SLK: variants seen among roughly 807,000 people sequenced by gnomAD.
The protein encoded by SLK is STE20 like kinase, also known as STE20-like serine/threonine-protein kinase.
Under a neutral mutation model 147.7 loss-of-function variants are expected in SLK, and 67 were observed. That is an observed-to-expected ratio of 0.45 (90% confidence interval 0.37 to 0.56). SLK has a LOEUF of 0.56. Ranked by LOEUF, SLK falls within the 20% of genes least tolerant of loss-of-function variation. The pLI, the probability that SLK is intolerant of heterozygous loss-of-function variation, is 0.00. For missense variants in SLK, 1,136 were observed against 1,438.8 expected, an observed-to-expected ratio of 0.79 and a Z score of 3.41; for synonymous variants, 441 against 475.0, an observed-to-expected ratio of 0.93 and a Z score of 0.93.
At position 103,995,483 on chromosome 10, in the gene SLK, A is replaced by G. The variant is rs1259880516; in HGVS notation, c.514+2350A>G. On this transcript the variant is annotated intron_variant, in intron 4 of 18. Transcript: ENST00000369755. The stretch of plus-strand genomic sequence containing the variant: ...TGCTCTGTTGCCCAGGTTGGAGTGC[A>G]GTGGCTGATCTCAGCTCACTGCAAC... Among the ~76,000 whole-genome samples the G allele has an allele frequency of 1.6e-4, 21 of 132,208 alleles. No individual in the cohort carries two copies. In the Admixed American group the frequency reaches 1.9e-3, roughly 12 times the overall value. 86.7% of individuals were successfully genotyped at this position (132,208 alleles called of 152,430 possible).
chr10:103,968,027 C>A, intron 1 of SLK, 132 bp downstream of exon 1: 1 of 909,744 alleles, frequency 1.1e-6, no homozygotes, highest in Non-Finnish European at 1.6e-6. Flanking sequence ...TGCAACTTTA[C>A]TTGGCTGATC....
At position 104,026,219 on chromosome 10, in the gene SLK, AT is replaced by A. The variant is rs1398462045; in HGVS notation, c.*506del. On this transcript the variant is annotated 3_prime_UTR_variant, in exon 19 of 19. Transcript: ENST00000369755. ...TGCTGTTGACTCAGTAAATGAATAT[AT>A]TTTTTTCTTTAAATAGGAACAACCT... The A allele has an allele frequency of 6.6e-6, 1 of 152,640 alleles. No individual in the cohort carries two copies. Among genetic ancestry groups the A allele is most frequent in the Non-Finnish European group, 1.5e-5 (1 of 68,064 alleles). 9.5% of individuals were successfully genotyped at this position (152,640 alleles called of 1,614,324 possible). A position where few individuals can be genotyped will look rare whatever the true frequency, so the allele number is the denominator to read the frequency against.
intron 9 of SLK, among the ~76,000 whole-genome samples, chr10:104,004,386 C>G (rs574663008): frequency 1.3e-5 from 2 of 152,264 alleles, no homozygotes; most frequent in Non-Finnish European, 1.5e-5. Context: ...TTAATAGCCT[C>G]TTTTAAAAAT....
Position 104,027,825 on chromosome 10 carries a change from A to C in SLK, c.*2105A>C, listed in dbSNP as rs1844618004. 1 of 151,972 alleles carries C rather than the reference A, an allele frequency of 6.6e-6. No individual in the cohort carries two copies. The highest frequency in any genetic ancestry group is 6.5e-5 in the Admixed American group (1 of 15,272). The allele number at this position is 151,972 out of a possible 1,614,324, so 9.4% of individuals were successfully genotyped here. A position where few individuals can be genotyped will look rare whatever the true frequency, so the allele number is the denominator to read the frequency against. ...TTTCAACTTGACATTCAGATTATTG[A>C]CTCAAGGAGAGAGGCTCAGAGTGGA... On this transcript the variant is annotated 3_prime_UTR_variant, in exon 19 of 19. Transcript: ENST00000369755.
intron 13 of SLK, among the ~76,000 whole-genome samples, chr10:104,017,661 G>A (rs998012236): frequency 1.3e-5 from 2 of 152,116 alleles, no homozygotes; most frequent in African/African-American, 4.8e-5. Context: ...TGTATATTTA[G>A]TAGAGATGGG....
At chr10:104,004,274 T>A (rs1844295528) in intron 9 of SLK, among the ~76,000 whole-genome samples, 1 of 152,176 alleles carries the variant, frequency 6.6e-6, no homozygotes, top group Non-Finnish European at 1.5e-5. Flanking sequence ...TGCCCCAAAT[T>A]CCTAGGATTT....
chr10:104,004,077 A>T (rs953052724), intron 9 of SLK, among the ~76,000 whole-genome samples: 6 of 144,642 alleles, frequency 4.1e-5, no homozygotes, highest in African/African-American at 1.6e-4. Context: ...GGTCCCAAGG[A>T]TCACTATTTG....
Position 103,967,775 on chromosome 10 carries a change from C to G in SLK, c.30C>G (p.Phe10Leu). MSFFNFRKI[F>L]KLGSEKKKKQ... is the part of the protein sequence containing the mutation. Reference sequence around the variant, plus strand: ...CCTTCTTCAATTTCCGTAAGATCTTCAAGTTGGGGAGCGAGAAGAAGAAGA... The same window carrying G: ...CCTTCTTCAATTTCCGTAAGATCTTGAAGTTGGGGAGCGAGAAGAAGAAGA... The change falls in exon 1 of 19, where the codon TTC becomes TTG. Residue 10 changes from phenylalanine to leucine, a missense_variant. By Grantham distance (22) the Phe-to-Leu change is conservative. Transcript: ENST00000369755. 1.2e-6 allele frequency: 2 copies of G among 1,614,036 alleles called. No individual in the cohort carries two copies. The highest frequency in any genetic ancestry group is 1.7e-6 in the Non-Finnish European group (2 of 1,179,938).
At chr10:103,968,010 G>T (rs1007347532) in intron 1 of SLK, 115 bp downstream of exon 1, 10 of 1,092,068 alleles carry the variant, frequency 9.2e-6, no homozygotes, top group Admixed American at 5.0e-5. Context: ...TGACTGTTAC[G>T]GTTCGATGCA....
chr10:104,014,644 A>G (rs189365879), intron 13 of SLK, among the ~76,000 whole-genome samples: 93 of 152,320 alleles, frequency 6.1e-4, no homozygotes, highest in Non-Finnish European at 1.0e-3. Flanking sequence ...GTTTTCATTT[A>G]AAATGATCAA....
intron 1 of SLK, among the ~76,000 whole-genome samples, chr10:103,987,101 G>GT (rs1031743290): frequency 6.6e-6 from 1 of 151,912 alleles, no homozygotes; most frequent in Non-Finnish European, 1.5e-5. Context: ...TTTCAGTTTT[G>GT]TTTTTTTAAA....
intron 11 of SLK, among the ~76,000 whole-genome samples, chr10:104,006,511 T>C (rs1411087722): frequency 2.6e-5 from 4 of 152,200 alleles, no homozygotes; most frequent in African/African-American, 9.6e-5. Context: ...TCCACATCTC[T>C]ATTTCCTGCT....
At chr10:103,998,834 C>A in intron 4 of SLK, 65 bp from the exon 5 acceptor site, 1 of 1,104,636 alleles carries the variant, frequency 9.1e-7, no homozygotes, top group Non-Finnish European at 1.4e-6. Flanking sequence ...TGCTTTTTCT[C>A]CCCATTGAAT....
intron 1 of SLK, among the ~76,000 whole-genome samples, chr10:103,989,972 A>G (rs1019584075): frequency 1.3e-5 from 2 of 152,274 alleles, no homozygotes; most frequent in African/African-American, 4.8e-5. Flanking sequence ...AAACTGTGGT[A>G]TAACTAGACA....
chr10:104,005,009 G>A (rs547718026), intron 9 of SLK, among the ~76,000 whole-genome samples: 9 of 151,952 alleles, frequency 5.9e-5, no homozygotes, highest in Non-Finnish European at 1.2e-4. Context: ...CGATATTATT[G>A]TTACTGATTA....
At chr10:104,015,150 A>G (rs1249515574) in intron 13 of SLK, among the ~76,000 whole-genome samples, 2 of 152,210 alleles carry the variant, frequency 1.3e-5, no homozygotes, top group East Asian at 1.9e-4. Context: ...TCCTTTATAC[A>G]GTGTCCGACT....
At chr10:104,018,731 G>A in intron 14 of SLK, 53 bp from the exon 15 acceptor site, 3 of 1,566,532 alleles carry the variant, frequency 1.9e-6, no homozygotes, top group Non-Finnish European at 2.6e-6. Flanking sequence ...GAAGAGCAAA[G>A]TACATTAGTA....
rs142780049 is a variant in SLK at position 104,003,420 on chromosome 10, A to C, written c.2242A>C (p.Asn748His). The part of the protein sequence containing the change: ...PESENPKEND[N>H]DSGTGSTADT... ...ATCTGAGAATCCAAAGGAAAATGATAATGATTCAGGCACTGGTTCCACTGC... is the reference window on the plus strand; with the variant it reads ...ATCTGAGAATCCAAAGGAAAATGATCATGATTCAGGCACTGGTTCCACTGC... Residue 748 changes from asparagine to histidine, a missense_variant, in exon 9 of 19, where the codon AAT becomes CAT. Transcript: ENST00000369755. The C allele has an allele frequency of 1.3e-3, 2,100 of 1,613,996 alleles. 15 individuals are homozygous for C. The highest frequency in any genetic ancestry group is 0.012 in the South Asian group (1,108 of 91,082).
intron 3 of SLK, 95 bp downstream of exon 3, chr10:103,992,741 G>A: frequency 9.3e-7 from 1 of 1,076,226 alleles, no homozygotes. Flanking sequence ...AAATATGTAA[G>A]TATCGAGTAA....
Sources: allele counts gnomAD v4.1 joint callset (sites outside exome capture counted in the v4.1 genomes callset), GRCh38; gene constraint gnomAD v4.1.1; transcripts MANE v1.5; gene names NCBI Gene and HGNC (gene_info 2026-07-23, HGNC 2026-07-21).